ADGRA3: variants seen among roughly 807,000 people sequenced by gnomAD.
ADGRA3 encodes the protein adhesion G protein-coupled receptor A3.
ADGRA3 carries 56 observed loss-of-function variants against 119.8 expected under a neutral mutation model. The ratio of observed to expected loss-of-function variants is 0.47; its 90% CI spans 0.38 to 0.58. The LOEUF (loss-of-function observed/expected upper bound fraction) is 0.58. ADGRA3 is among the 20% of genes least tolerant of loss of function. ADGRA3 has a pLI of 0.00. For synonymous variants in ADGRA3, 607 were observed against 623.8 expected (o/e 0.97, Z 0.40); for missense variants, 1,516 against 1,649.0 (o/e 0.92, Z 1.40).
chr4:22,503,288 C>T (rs1357558144), intron 1 of ADGRA3, among the ~76,000 whole-genome samples: 1 of 152,112 alleles, frequency 6.6e-6, no homozygotes, highest in Non-Finnish European at 1.5e-5. Context: ...AAAGTTTATC[C>T]ATCTTAAACA....
At chr4:22,451,724 G>T (rs1253147939) in intron 4 of ADGRA3, among the ~76,000 whole-genome samples, 1 of 152,112 alleles carries the variant, frequency 6.6e-6, no homozygotes, top group African/African-American at 2.4e-5. Context: ...CCTTAGCCAA[G>T]GAAGTTTGAG....
chr4:22,421,283 G>C (rs770924265), intron 11 of ADGRA3, among the ~76,000 whole-genome samples, 194 bp from the exon 12 acceptor site: 1 of 151,010 alleles, frequency 6.6e-6, no homozygotes, highest in Non-Finnish European at 1.5e-5. Context: ...GAATGAAAAG[G>C]ATGTCCTAAA....
Position 22,461,711 on chromosome 4 carries a change from C to T in ADGRA3, c.401+26G>A, listed in dbSNP as rs545367903. ...ATTTATATAAGCAACAATTCAAACT[C>T]GTAAGCAAGCAATTCAAACACTTAC... On this transcript the variant is annotated intron_variant, in intron 3 of 18. Coordinates refer to ENST00000334304, the MANE Select transcript of ADGRA3 (RefSeq NM_145290.4). 8.6e-6 allele frequency: 13 copies of T among 1,504,914 alleles called. No homozygotes were observed. The African/African-American group carries it at 1.1e-4, about 13-fold the overall frequency. The allele number at this position is 1,504,914 out of a possible 1,614,324, so 93.2% of individuals were successfully genotyped here.
chr4:22,430,991 T>C (rs1716143409), intron 10 of ADGRA3, among the ~76,000 whole-genome samples: 1 of 152,182 alleles, frequency 6.6e-6, no homozygotes, highest in Non-Finnish European at 1.5e-5. Flanking sequence ...GGTGTTGAGA[T>C]TGTGGGTGCA....
rs531640515 is a variant in ADGRA3 at position 22,420,755 on chromosome 4, T to C, written c.1809+131A>G. The stretch of plus-strand genomic sequence containing the variant: ...TCCTGGTTAGTTTTCTTTAAAACAG[T>C]AGCAAAAGCAATAATACCTATCTTC... On this transcript the variant is annotated intron_variant, in intron 12 of 18. Transcript: ENST00000334304. The C allele has an allele frequency of 7.0e-6, 6 of 852,318 alleles. No individual in the cohort carries two copies. The East Asian group carries it at 1.2e-4, about 17-fold the overall frequency. 52.8% of individuals were successfully genotyped at this position (852,318 alleles called of 1,614,324 possible).
intron 14 of ADGRA3, among the ~76,000 whole-genome samples, chr4:22,403,354 C>A (rs1335194560): frequency 2.0e-5 from 3 of 151,940 alleles, no homozygotes; most frequent in Non-Finnish European, 4.4e-5. Context: ...ACAGGGGAGA[C>A]ACATGTACAA....
chr4:22,390,729 G>A (rs375378443), intron 17 of ADGRA3, among the ~76,000 whole-genome samples: 46 of 151,920 alleles, frequency 3.0e-4, no homozygotes, highest in East Asian at 9.7e-4. Context: ...GCTAGAGGGC[G>A]GAGCTTGAGC....
chr4:22,398,650 C>A (rs894994868), intron 16 of ADGRA3, among the ~76,000 whole-genome samples: 2 of 151,764 alleles, frequency 1.3e-5, no homozygotes, highest in East Asian at 1.9e-4. Flanking sequence ...TAAAAAAAAA[C>A]AAATGGTGAA....
chr4:22,451,611 TA>T (rs200795126), intron 4 of ADGRA3, among the ~76,000 whole-genome samples: 4 of 149,690 alleles, frequency 2.7e-5, no homozygotes, highest in African/African-American at 7.3e-5. Context: ...TTGTTTTTTC[TA>T]AAAAAAAAAA....
chr4:22,472,572 C>T (rs1291822984), intron 2 of ADGRA3, among the ~76,000 whole-genome samples: 2 of 152,088 alleles, frequency 1.3e-5, no homozygotes, highest in Middle Eastern at 3.2e-3. Context: ...CACACACACA[C>T]GTATATAACC....
chr4:22,467,954 A>G (rs185088067), intron 2 of ADGRA3, among the ~76,000 whole-genome samples: 2 of 152,352 alleles, frequency 1.3e-5, no homozygotes. Context: ...GAAGTATACC[A>G]GGTAAGATGC....
At chr4:22,467,623 G>C (rs1377009143) in intron 2 of ADGRA3, among the ~76,000 whole-genome samples, 1 of 152,094 alleles carries the variant, frequency 6.6e-6, no homozygotes, top group Non-Finnish European at 1.5e-5. Context: ...GAATAACTGA[G>C]CACTGTAATA....
chr4:22,505,525 T>C (rs1719205919), intron 1 of ADGRA3, among the ~76,000 whole-genome samples: 1 of 151,250 alleles, frequency 6.6e-6, no homozygotes, highest in South Asian at 2.1e-4. Flanking sequence ...TGGGCGCCTG[T>C]AATCCCAGCT....
intron 14 of ADGRA3, among the ~76,000 whole-genome samples, chr4:22,403,642 G>A (rs1034060623): frequency 3.3e-5 from 5 of 152,084 alleles, no homozygotes; most frequent in Non-Finnish European, 5.9e-5. Context: ...TCGGTAGGCT[G>A]AGGTTGGGAG....
At chr4:22,423,628 A>G (rs1332649124) in intron 11 of ADGRA3, among the ~76,000 whole-genome samples, 11 of 152,228 alleles carry the variant, frequency 7.2e-5, no homozygotes, top group African/African-American at 2.7e-4. Context: ...TTATTTATTA[A>G]TAAGTCATTA....
intron 2 of ADGRA3, among the ~76,000 whole-genome samples, chr4:22,470,310 G>T: frequency 8.2e-6 from 1 of 121,448 alleles, no homozygotes; most frequent in Admixed American, 9.5e-5. Flanking sequence ...CCAAATCCAA[G>T]CTCCTAAATT....
chr4:22,413,379 C>T lies in ADGRA3; in HGVS notation c.2035G>A (p.Val679Ile). The T allele has an allele frequency of 6.2e-7, 1 of 1,611,580 alleles. No homozygotes were observed. The highest frequency in any genetic ancestry group is 8.5e-7 in the Non-Finnish European group (1 of 1,177,722). Reference sequence around the variant, plus strand: ...TTAACAGGGATGTGGTGGGTATCTACATTCACACCATCTGGAGAAAATGGG... The same window carrying T: ...TTAACAGGGATGTGGTGGGTATCTATATTCACACCATCTGGAGAAAATGGG... Reference protein sequence around the residue: ...VILTKIDGVNVDTHHIPVNVT... With the variant: ...VILTKIDGVNIDTHHIPVNVT... Residue 679 changes from valine (V) to isoleucine (I), a missense_variant, in exon 14 of 19, where the codon GTA becomes ATA. Val to Ile is a conservative substitution (Grantham distance 29). This residue lies in a region of ADGRA3 where 1,088 missense variants were observed against 1,107.1 expected (regional missense o/e 0.98). Coordinates refer to ENST00000334304, the MANE Select transcript of ADGRA3 (RefSeq NM_145290.4).
intron 14 of ADGRA3, among the ~76,000 whole-genome samples, chr4:22,410,106 T>C (rs1428549681): frequency 1.3e-5 from 2 of 151,898 alleles, no homozygotes; most frequent in African/African-American, 2.4e-5. Context: ...GCATGTTTTA[T>C]ATAAACAAAT....
At chr4:22,453,453 C>T (rs1292961589) in intron 4 of ADGRA3, among the ~76,000 whole-genome samples, 3 of 152,156 alleles carry the variant, frequency 2.0e-5, no homozygotes, top group African/African-American at 2.4e-5. Context: ...CTATGCAGCA[C>T]GAACATTCTG....
Sources: gnomAD v4.1 joint callset for allele counts (sites outside exome capture counted in the v4.1 genomes callset) on GRCh38, gnomAD v4.1.1 for gene constraint, gnomAD v4.1.1 regional missense constraint, MANE v1.5 for transcripts, NCBI Gene and HGNC (gene_info 2026-07-23, HGNC 2026-07-21) for gene names.